TTC34: variants seen among roughly 807,000 people sequenced by gnomAD.
TTC34 encodes tetratricopeptide repeat domain 34, also known as tetratricopeptide repeat protein 34.
Under a neutral mutation model 40.7 loss-of-function variants are expected in TTC34, and 44 were observed. That is an observed-to-expected ratio of 1.08 (90% CI 0.85 to 1.39). The LOEUF (loss-of-function observed/expected upper bound fraction) is 1.39, where lower values mean the gene tolerates loss of function less well. Ranked by LOEUF, TTC34 falls within the 40% of genes most tolerant of loss-of-function variation. TTC34 has a pLI of 0.00. For missense variants in TTC34, 884 were observed against 838.0 expected (o/e 1.05, Z -0.68); for synonymous variants, 422 against 398.6 (o/e 1.06, Z -0.70).
At chr1:2,649,452 G>A (rs922877847) in intron 6 of TTC34, among the ~76,000 whole-genome samples, 1 of 151,946 alleles carries the variant, frequency 6.6e-6, no homozygotes, top group Non-Finnish European at 1.5e-5. Context: ...ACCCAGGTGA[G>A]CATCTGAAAC....
At chr1:2,700,872 GT>G (rs1641101796) in intron 6 of TTC34, among the ~76,000 whole-genome samples, 1 of 46,770 alleles carries the variant, frequency 2.1e-5, no homozygotes, top group Non-Finnish European at 6.1e-5. Flanking sequence ...CCAGGGGAGC[GT>G]CTGACAACCT....
chr1:2,656,122 A>G (rs1484109480), intron 6 of TTC34, among the ~76,000 whole-genome samples: 2 of 140,954 alleles, frequency 1.4e-5, no homozygotes, highest in African/African-American at 2.8e-5. Flanking sequence ...AGAGCCTGGA[A>G]CAGAACCCAC....
At chr1:2,750,524 T>A (rs1487678244) in intron 6 of TTC34, among the ~76,000 whole-genome samples, 3,844 of 9,188 alleles carry the variant, frequency 0.42, 1,107 homozygotes, top group African/African-American at 0.67. Context: ...AGCACCCACA[T>A]CCCCAAGCGA....
chr1:2,787,244 CCCCG>C (rs1169846719), intron 4 of TTC34, among the ~76,000 whole-genome samples: 1 of 152,200 alleles, frequency 6.6e-6, no homozygotes, highest in Non-Finnish European at 1.5e-5. Context: ...AAACTGCCGG[CCCCG>C]GGGACCTGCC....
chr1:2,687,877 G>A (rs1640437111), intron 6 of TTC34, among the ~76,000 whole-genome samples: 1 of 149,630 alleles, frequency 6.7e-6, no homozygotes, highest in Non-Finnish European at 1.5e-5. Flanking sequence ...GCCTGGAACA[G>A]AACCCACATC....
intron 3 of TTC34, among the ~76,000 whole-genome samples, chr1:2,788,406 GTGT>G (rs1431799194): frequency 1.3e-5 from 2 of 151,464 alleles, no homozygotes; most frequent in Admixed American, 6.6e-5. Flanking sequence ...TGTTGTGTGT[GTGT>G]TATGTATGTG....
chr1:2,683,660 G>T (rs1440353219), intron 6 of TTC34, among the ~76,000 whole-genome samples: 1 of 124,844 alleles, frequency 8.0e-6, no homozygotes, highest in Non-Finnish European at 1.6e-5. Flanking sequence ...ACAGCCTGGA[G>T]CAGCACGCTG....
chr1:2,699,328 CA>C (rs1641019525), intron 6 of TTC34, among the ~76,000 whole-genome samples: 1 of 135,724 alleles, frequency 7.4e-6, no homozygotes, highest in Non-Finnish European at 1.6e-5. Flanking sequence ...GCAGCAGCCA[CA>C]ACTCCAGGCG....
At chr1:2,749,041 C>G (rs1275050300) in intron 6 of TTC34, among the ~76,000 whole-genome samples, 4 of 55,984 alleles carry the variant, frequency 7.1e-5, no homozygotes, top group African/African-American at 2.7e-4. Context: ...AGCACCCACA[C>G]CCCCAGGTGA....
chr1:2,751,922 A>C (rs1641333550), intron 6 of TTC34, among the ~76,000 whole-genome samples: 11 of 108,238 alleles, frequency 1.0e-4, no homozygotes, highest in African/African-American at 8.7e-5. Context: ...CTGGAGCAGC[A>C]CGCATAACCA....
chr1:2,788,621 A>G (rs1406225200), intron 3 of TTC34, among the ~76,000 whole-genome samples: 1 of 152,256 alleles, frequency 6.6e-6, no homozygotes, highest in Non-Finnish European at 1.5e-5. Context: ...ATAATTTGCA[A>G]AATGAGCATC....
intron 3 of TTC34, among the ~76,000 whole-genome samples, chr1:2,789,200 A>T (rs988594928): frequency 1.3e-5 from 2 of 152,348 alleles, no homozygotes; most frequent in Admixed American, 1.3e-4. Flanking sequence ...GGGAATCGTC[A>T]TGACCTATTG....
At chr1:2,690,167 C>T (rs866857894) in intron 6 of TTC34, among the ~76,000 whole-genome samples, 4 of 151,306 alleles carry the variant, frequency 2.6e-5, no homozygotes, top group African/African-American at 9.8e-5. Context: ...CATCGTGGAG[C>T]AGCACCCCAC....
At position 2,645,966 on chromosome 1, in the gene TTC34, C is replaced by T. The variant is rs569330582; in HGVS notation, c.2227-403G>A. ...CCCCACAGGGGCATCTGTCACCTCA[C>T]AGTGGGGGACGCTGGAGCTCCTTGG... On this transcript the variant is annotated intron_variant, in intron 6 of 8. Coordinates refer to ENST00000401095, the Ensembl canonical transcript of TTC34. This position sits in a 1 kb window ranked among gnomAD's most constrained non-coding sequence, Gnocchi z 4.7. Among the ~76,000 whole-genome samples, 16 of 152,244 alleles carry T rather than the reference C, an allele frequency of 1.1e-4. No homozygotes were observed. The highest frequency in any genetic ancestry group is 2.1e-4 in the Non-Finnish European group (14 of 68,012).
chr1:2,752,075 G>T lies in TTC34; in HGVS notation c.2226+31534C>A, dbSNP rs1385152098. On this transcript the variant is annotated intron_variant, in intron 6 of 8. Coordinates refer to ENST00000401095, the Ensembl canonical transcript of TTC34. ...CCCCAGGCGAACATCTGAACGCACG[G>T]AGCAGCACCCACACCTTCAGGCGAG... Among the ~76,000 whole-genome samples, 22 of 111,268 alleles carry T rather than the reference G, an allele frequency of 2.0e-4. 8 individuals carry two copies. Among genetic ancestry groups the T allele is most frequent in the Admixed American group, 6.7e-4 (7 of 10,514 alleles). 73.0% of individuals were successfully genotyped at this position (111,268 alleles called of 152,430 possible). A position where few individuals can be genotyped will look rare whatever the true frequency, so the allele number is the denominator to read the frequency against.
chr1:2,643,264 C>G (rs544078286), intron 8 of TTC34, among the ~76,000 whole-genome samples: 5 of 152,350 alleles, frequency 3.3e-5, no homozygotes, highest in Admixed American at 2.6e-4. Flanking sequence ...GGCGAAACCA[C>G]TGTTGGCTCA....
exon 3 of TTC34, chr1:2,789,919 C>T: frequency 2.5e-6 from 1 of 395,446 alleles, no homozygotes; most frequent in Non-Finnish European, 4.5e-6. Context: ...CCGCAGGGTC[C>T]TCAGGGCGTG....
intron 6 of TTC34, among the ~76,000 whole-genome samples, chr1:2,692,792 G>GC (rs1640687343): frequency 1.1e-5 from 1 of 89,856 alleles, no homozygotes; most frequent in Non-Finnish European, 2.5e-5. Context: ...ACACCCACAA[G>GC]CGAGCATCTG....
intron 6 of TTC34, among the ~76,000 whole-genome samples, chr1:2,688,148 G>T (rs1640452979): frequency 1.3e-5 from 2 of 149,916 alleles, no homozygotes; most frequent in African/African-American, 2.5e-5. Context: ...GCATCTGACG[G>T]CCTGGAAGGG....
Sources: gnomAD v4.1 joint callset for allele counts (sites outside exome capture counted in the v4.1 genomes callset) on GRCh38, gnomAD v4.1.1 for gene constraint, Gnocchi (gnomAD v3.1) non-coding constraint, MANE v1.5 for transcripts, NCBI Gene and HGNC (gene_info 2026-07-23, HGNC 2026-07-21) for gene names.